Variants in MYBL1 observed in about 807,000 individuals in gnomAD.
The protein encoded by MYBL1 is myb-related protein A.
MYBL1 carries 17 observed loss-of-function variants against 96.3 expected under a neutral mutation model. That is an observed-to-expected ratio of 0.18 (90% CI 0.12 to 0.26). The LOEUF (loss-of-function observed/expected upper bound fraction) is 0.26. MYBL1 is among the 10% of genes least tolerant of loss of function. The pLI, the probability that MYBL1 is intolerant of heterozygous loss-of-function variation, is 1.00. For missense variants in MYBL1, 701 were observed against 882.9 expected (o/e 0.79, Z 2.61); for synonymous variants, 282 against 292.7 (o/e 0.96, Z 0.37).
rs771760461 is a variant in MYBL1 at position 66,566,185 on chromosome 8, T to C, written c.2009A>G (p.Asn670Ser). 61 of 1,519,612 alleles carry C rather than the reference T, an allele frequency of 4.0e-5. No homozygotes were observed. Among genetic ancestry groups the C allele is most frequent in the Admixed American group, 7.9e-5 (4 of 50,930 alleles). 94.1% of individuals were successfully genotyped at this position (1,519,612 alleles called of 1,614,324 possible). A position where few individuals can be genotyped will look rare whatever the true frequency, so the allele number is the denominator to read the frequency against. ...LMIPLLEIHD[N>S]RCNLIPEKQD... is the part of the protein sequence containing the mutation. ...TTTTTCAGGAATCAAGTTGCACCTA[T>C]TGTCATGTATTTCCAATAATGGTAT... is the stretch of plus-strand genomic sequence containing the variant. Residue 670 changes from asparagine to serine, a missense_variant, in exon 15 of 16, where the codon AAT (asparagine) becomes AGT (serine). By Grantham distance (46) the Asn-to-Ser change is conservative. Around this residue, in one of 5 missense-constraint regions of MYBL1, gnomAD observed 137 missense variants for 137.5 expected, o/e 1.00. Transcript: ENST00000522677.
intron 8 of MYBL1, among the ~76,000 whole-genome samples, chr8:66,591,077 C>A (rs796851493): frequency 6.6e-6 from 1 of 152,046 alleles, no homozygotes; most frequent in East Asian, 1.9e-4. Flanking sequence ...TGGTTAGGTG[C>A]GGTGGCTCAC....
chr8:66,564,812 C>A lies in MYBL1; in HGVS notation c.2144G>T (p.Trp715Leu). The change falls in exon 16 of 16, where the codon TGG becomes TTG. Residue 715 changes from tryptophan to leucine, a missense_variant. Trp to Leu is a moderately conservative substitution (Grantham distance 61). Transcript: ENST00000522677. ...LEKNLQSNCE[W>L]ETVVYGKTED... Reference sequence around the variant, plus strand: ...TGTCTTCCCATAAACCACTGTTTCCCATTCACAATTTGACTAGAAAGGAAA... The same window carrying A: ...TGTCTTCCCATAAACCACTGTTTCCAATTCACAATTTGACTAGAAAGGAAA... 1 of 1,564,874 alleles carries A rather than the reference C, an allele frequency of 6.4e-7. No individual in the cohort carries two copies. Among genetic ancestry groups the A allele is most frequent in the East Asian group, 2.3e-5 (1 of 43,518 alleles).
At chr8:66,588,151 C>A (rs1374039924) in intron 8 of MYBL1, among the ~76,000 whole-genome samples, 2 of 152,024 alleles carry the variant, frequency 1.3e-5, no homozygotes, top group East Asian at 3.9e-4. Context: ...ACACGTGGTT[C>A]CCTCCAAACC....
chr8:66,591,055 AAAATTTT>A (rs1249445756), intron 8 of MYBL1, among the ~76,000 whole-genome samples: 1 of 152,212 alleles, frequency 6.6e-6, no homozygotes, highest in African/African-American at 2.4e-5. Flanking sequence ...TCCCAATTTA[AAAATTTT>A]AATTTGGTTA....
Position 66,564,724 on chromosome 8 carries a change from A to G in MYBL1, c.2232T>C (p.Ser744=). ...ACAGTATGAGAGCTCTTGAAGTACT[A>G]CTGGTAGCTGTGTAAGTACTCAGAT... The part of the protein sequence containing the change: ...RRYLSTYTAT[S]STSRALIL The change falls in exon 16 of 16, where the codon AGT becomes AGC. Residue 744 remains serine (S), a synonymous_variant. Transcript: ENST00000522677. The G allele has an allele frequency of 6.3e-7, 1 of 1,582,874 alleles. No homozygotes were observed. Among genetic ancestry groups the G allele is most frequent in the Non-Finnish European group, 8.6e-7 (1 of 1,161,686 alleles).
intron 9 of MYBL1, among the ~76,000 whole-genome samples, chr8:66,578,931 G>A (rs978146164): frequency 3.3e-5 from 5 of 152,230 alleles, no homozygotes; most frequent in African/African-American, 1.2e-4. Context: ...TCCTTTGTAG[G>A]GACATGGATG....
At chr8:66,575,621 C>A (rs1176004598) in intron 10 of MYBL1, among the ~76,000 whole-genome samples, 1 of 152,078 alleles carries the variant, frequency 6.6e-6, no homozygotes, top group African/African-American at 2.4e-5. Context: ...AAAACCCCAT[C>A]TCTACAAAAA....
chr8:66,580,436 C>T, intron 8 of MYBL1, 70 bp from the exon 9 acceptor site: 1 of 1,040,726 alleles, frequency 9.6e-7, no homozygotes, highest in Non-Finnish European at 1.4e-6. Flanking sequence ...GATTTCAACA[C>T]ATTTCAATTA....
intron 3 of MYBL1, 52 bp from the exon 4 acceptor site, chr8:66,599,194 A>C: frequency 7.8e-7 from 1 of 1,286,464 alleles, no homozygotes; most frequent in South Asian, 1.4e-5. Context: ...CCAGAAAGCA[A>C]GTCAGCCCGA....
intron 12 of MYBL1, among the ~76,000 whole-genome samples, chr8:66,572,188 C>T (rs1165243198): frequency 1.3e-5 from 2 of 151,594 alleles, no homozygotes; most frequent in Admixed American, 1.3e-4. Context: ...GGTGTGGTGG[C>T]GGGCACCTGT....
At chr8:66,601,312 A>G (rs893819509) in intron 3 of MYBL1, among the ~76,000 whole-genome samples, 3 of 152,172 alleles carry the variant, frequency 2.0e-5, no homozygotes, top group African/African-American at 7.2e-5. Context: ...CAACATTTTA[A>G]AAGGTAAGCC....
rs969715827 is a variant in MYBL1, at chr8:66,599,478, G to A, written c.199-336C>T. 2.0e-5 allele frequency among the ~76,000 whole-genome samples: 3 copies of A among 152,254 alleles called. No homozygotes were observed. In the South Asian group the frequency reaches 6.2e-4, roughly 32 times the overall value. ...TTAACACTGAGGAATAAAAAGCAGT[G>A]GACAGAAAACTACACAAAGCTGACA... is the stretch of plus-strand genomic sequence containing the variant. On this transcript the variant is annotated intron_variant, in intron 3 of 15. Coordinates refer to ENST00000522677, the MANE Select transcript of MYBL1 (RefSeq NM_001080416.4).
At chr8:66,583,900 A>C (rs1563537599) in intron 8 of MYBL1, among the ~76,000 whole-genome samples, 2 of 152,180 alleles carry the variant, frequency 1.3e-5, no homozygotes, top group Non-Finnish European at 2.9e-5. Flanking sequence ...AAGAACTATC[A>C]ATTCTTTTCC....
intron 1 of MYBL1, among the ~76,000 whole-genome samples, chr8:66,603,645 C>T (rs999282194): frequency 2.0e-5 from 3 of 152,066 alleles, no homozygotes; most frequent in Non-Finnish European, 2.9e-5. Context: ...CATGCACCAT[C>T]ATGCCCAGCT....
At chr8:66,573,573 G>A (rs771942886) in intron 10 of MYBL1, 67 bp from the exon 11 acceptor site, 9 of 1,291,100 alleles carry the variant, frequency 7.0e-6, no homozygotes, top group Non-Finnish European at 8.3e-6. Flanking sequence ...ATATTAAACT[G>A]ATAAGATTTT....
chr8:66,585,858 A>T (rs1045902397), intron 8 of MYBL1, among the ~76,000 whole-genome samples: 1 of 152,160 alleles, frequency 6.6e-6, no homozygotes, highest in African/African-American at 2.4e-5. Flanking sequence ...ATGGGATTAT[A>T]TTAAACTAAA....
chr8:66,571,273 C>T (rs997668186), intron 12 of MYBL1, among the ~76,000 whole-genome samples: 1 of 152,120 alleles, frequency 6.6e-6, no homozygotes, highest in African/African-American at 2.4e-5. Context: ...CCTATTCATT[C>T]GTGAACTACT....
chr8:66,593,599 T>C (rs1327602378), intron 6 of MYBL1, among the ~76,000 whole-genome samples: 2 of 152,264 alleles, frequency 1.3e-5, no homozygotes, highest in South Asian at 4.1e-4. Context: ...GACAGAGACC[T>C]GAAGCAAGTT....
Position 66,592,452 on chromosome 8 carries a change from C to T in MYBL1, c.855G>A (p.Lys285=), listed in dbSNP as rs903200001. The change falls in exon 8 of 16, where the codon AAG becomes AAA. Residue 285 remains lysine, a synonymous_variant. Transcript: ENST00000522677. ...LMSAENEVRR[K]RIPSQPGSFS... is the part of the protein sequence containing the mutation. ...GCTTATTTCTTACTGATGGAATTCG[C>T]TTTCTTCTAACTTCATTCTCAGCTG... 6.9e-6 allele frequency: 11 copies of T among 1,589,698 alleles called. No individual in the cohort carries two copies. Among genetic ancestry groups the T allele is most frequent in the Non-Finnish European group, 9.4e-6 (11 of 1,171,434 alleles).
Sources: allele counts gnomAD v4.1 joint callset (sites outside exome capture counted in the v4.1 genomes callset), GRCh38; gene constraint gnomAD v4.1.1; regional missense constraint gnomAD v4.1.1; transcripts MANE v1.5; gene names NCBI Gene and HGNC (gene_info 2026-07-23, HGNC 2026-07-21).